The following QRICH1 variants were observed in gnomAD, a reference collection of about 807,000 sequenced individuals.
QRICH1 encodes the protein glutamine rich 1.
Under a neutral mutation model 87.1 loss-of-function variants are expected in QRICH1, and 16 were observed. That is an observed-to-expected ratio of 0.18 (90% CI 0.12 to 0.28). The LOEUF is 0.28. QRICH1 is among the 10% of genes least tolerant of loss of function. QRICH1 has a pLI of 1.00. For missense variants in QRICH1, 647 were observed against 951.7 expected (o/e 0.68, Z 4.21); for synonymous variants, 367 against 368.4 (o/e 1.00, Z 0.05).
At chr3:49,091,824 C>G (rs1257773869) in intron 1 of QRICH1, among the ~76,000 whole-genome samples, 1 of 152,174 alleles carries the variant, frequency 6.6e-6, no homozygotes, top group African/African-American at 2.4e-5. Context: ...GTAATCCCAG[C>G]ACTTTGGGAG....
intron 1 of QRICH1, among the ~76,000 whole-genome samples, chr3:49,086,052 A>G (rs888401789): frequency 5.3e-5 from 8 of 151,934 alleles, no homozygotes; most frequent in Non-Finnish European, 7.4e-5. Context: ...ATGAAAAAAG[A>G]AAATACTCTA....
chr3:49,036,151 C>T (rs939084882), intron 6 of QRICH1, among the ~76,000 whole-genome samples: 4 of 151,994 alleles, frequency 2.6e-5, no homozygotes. Flanking sequence ...GGGCTCCTAG[C>T]ATGGAAGTAA....
intron 3 of QRICH1, among the ~76,000 whole-genome samples, chr3:49,054,678 G>A (rs1424938941): frequency 6.6e-6 from 1 of 152,176 alleles, no homozygotes; most frequent in African/African-American, 2.4e-5. Context: ...GCCAAGGTGG[G>A]AGGATCACTT....
At chr3:49,062,733 C>T (rs1165479424) in intron 2 of QRICH1, among the ~76,000 whole-genome samples, 1 of 151,288 alleles carries the variant, frequency 6.6e-6, no homozygotes, top group Non-Finnish European at 1.5e-5. Context: ...AAAGGCCGGG[C>T]GCTGTGGCTC....
chr3:49,044,335 T>C, intron 6 of QRICH1, 55 bp downstream of exon 6: 6 of 1,357,928 alleles, frequency 4.4e-6, no homozygotes, highest in Non-Finnish European at 5.2e-6. Flanking sequence ...CAGAAGCTAT[T>C]GATCTTTCTT....
intron 2 of QRICH1, among the ~76,000 whole-genome samples, chr3:49,067,093 A>G (rs1403870230): frequency 1.3e-5 from 2 of 152,082 alleles, no homozygotes; most frequent in African/African-American, 4.8e-5. Flanking sequence ...TAAACAATTA[A>G]ATGGCTAATG....
At chr3:49,049,535 C>T (rs766240021) in intron 3 of QRICH1, among the ~76,000 whole-genome samples, 2 of 152,036 alleles carry the variant, frequency 1.3e-5, no homozygotes, top group Non-Finnish European at 2.9e-5. Context: ...TCTTGCTCTA[C>T]CACCCAGGCT....
chr3:49,075,054 G>C (rs1294484466), intron 2 of QRICH1, among the ~76,000 whole-genome samples: 1 of 151,964 alleles, frequency 6.6e-6, no homozygotes, highest in Non-Finnish European at 1.5e-5. Context: ...AGGCATGGCA[G>C]CTCATATTTG....
At chr3:49,052,965 T>G (rs922241292) in intron 3 of QRICH1, among the ~76,000 whole-genome samples, 1 of 152,152 alleles carries the variant, frequency 6.6e-6, no homozygotes, top group Non-Finnish European at 1.5e-5. Context: ...TGGCAGATAG[T>G]ATCAGTGATT....
intron 3 of QRICH1, among the ~76,000 whole-genome samples, chr3:49,052,027 G>A (rs1257789559): frequency 6.6e-6 from 1 of 152,174 alleles, no homozygotes; most frequent in East Asian, 1.9e-4. Context: ...GCCTTGGAGA[G>A]TTTTAAGCTA....
At chr3:49,091,304 C>T (rs751464443) in intron 1 of QRICH1, among the ~76,000 whole-genome samples, 8 of 152,100 alleles carry the variant, frequency 5.3e-5, no homozygotes, top group Non-Finnish European at 1.0e-4. Context: ...AAATCAGAGA[C>T]CCTTACAGAT....
At chr3:49,032,135 T>A in intron 9 of QRICH1, 48 bp downstream of exon 9, 2 of 1,433,096 alleles carry the variant, frequency 1.4e-6, no homozygotes, top group Non-Finnish European at 2.0e-6. Context: ...TGCACACGCA[T>A]ACACACACAT....
intron 1 of QRICH1, among the ~76,000 whole-genome samples, chr3:49,092,777 T>G (rs1354775386): frequency 6.6e-6 from 1 of 152,172 alleles, no homozygotes. Context: ...ACACCAAAAG[T>G]GACTTTTACA....
Position 49,057,006 on chromosome 3 carries a change from A to T in QRICH1, c.1194T>A (p.Ala398=). The T allele has an allele frequency of 6.2e-7, 1 of 1,614,234 alleles. No homozygotes were observed. Among genetic ancestry groups the T allele is most frequent in the South Asian group, 1.1e-5 (1 of 91,082 alleles). Residue 398 remains alanine (A), a synonymous_variant, in exon 3 of 10, where the codon GCT becomes GCA. Transcript: ENST00000395443. This position sits in a 1 kb window ranked among gnomAD's most constrained non-coding sequence, Gnocchi z 5.4. ...GGTACGTGCCTGCCACAGCCTGCAC[A>T]GCCACTGGAATGTGGATGTTGCCAT... is the stretch of plus-strand genomic sequence containing the variant. ...FMNGNIHIPV[A]VQAVAGTYQN...
Position 49,057,977 on chromosome 3 carries a change from A to G in QRICH1, c.310-87T>C, listed in dbSNP as rs1032036397. 5 of 1,601,668 alleles carry G rather than the reference A, an allele frequency of 3.1e-6. No homozygotes were observed. In the African/African-American group the frequency reaches 6.7e-5, roughly 21 times the overall value. ...GAAAGAAAGAAAAGAGATCCCAGAC[A>G]GGGGACCTGCAAAATGTGAGAAAAC... On this transcript the variant is annotated intron_variant, in intron 2 of 9. Coordinates refer to ENST00000395443, the MANE Select transcript of QRICH1 (RefSeq NM_198880.3). The surrounding 1 kb of genome is among the most constrained non-coding windows in gnomAD (Gnocchi z 5.4).
chr3:49,087,734 CG>C, intron 1 of QRICH1, among the ~76,000 whole-genome samples: 1 of 132,906 alleles, frequency 7.5e-6, no homozygotes, highest in East Asian at 2.4e-4. Context: ...ATTAGCCAGG[CG>C]GGGTACCATG....
upstream of QRICH1, chr3:49,094,276 G>A (rs550156825): frequency 1.6e-5 from 6 of 374,534 alleles, no homozygotes; most frequent in Non-Finnish European, 2.8e-5. Context: ...CTAGGGCCGT[G>A]GCTTGGCCTA....
At chr3:49,076,182 C>A (rs1185828753) in intron 2 of QRICH1, among the ~76,000 whole-genome samples, 1 of 152,100 alleles carries the variant, frequency 6.6e-6, no homozygotes. Context: ...GTGCAAGACT[C>A]CATCTCAAAA....
At chr3:49,046,719 A>C (rs1036644099) in intron 4 of QRICH1, 140 bp from the exon 5 acceptor site, 3 of 963,444 alleles carry the variant, frequency 3.1e-6, no homozygotes, top group Non-Finnish European at 4.5e-6. Context: ...GTAATGTCAG[A>C]ACTGGCCTAT....
Sources: gnomAD v4.1 joint callset for allele counts (sites outside exome capture counted in the v4.1 genomes callset) on GRCh38, gnomAD v4.1.1 for gene constraint, Gnocchi (gnomAD v3.1) non-coding constraint, MANE v1.5 for transcripts, NCBI Gene and HGNC (gene_info 2026-07-23, HGNC 2026-07-21) for gene names.